Variants in CBLN2 observed in about 807,000 individuals in gnomAD.
CBLN2 encodes cerebellin-2.
Under a neutral mutation model 15.0 loss-of-function variants are expected in CBLN2, and 7 were observed. That is an observed-to-expected ratio of 0.47 (90% confidence interval 0.27 to 0.88). The LOEUF (loss-of-function observed/expected upper bound fraction) is 0.88. CBLN2 is among the 40% of genes least tolerant of loss of function. The pLI is 0.14. For missense variants in CBLN2, 242 were observed against 304.5 expected, an observed-to-expected ratio of 0.79 and a Z score of 1.53; for synonymous variants, 149 against 135.2, an observed-to-expected ratio of 1.10 and a Z score of -0.71.
chr18:72,624,140 T>G (rs1465932006), intron 1 of CBLN2, among the ~76,000 whole-genome samples: 1 of 152,070 alleles, frequency 6.6e-6, no homozygotes, highest in African/African-American at 2.4e-5. Flanking sequence ...GGACTAACGC[T>G]GAATTTGTCT....
At chr18:72,601,374 C>G (rs566548154) in intron 1 of CBLN2, among the ~76,000 whole-genome samples, 1 of 152,234 alleles carries the variant, frequency 6.6e-6, no homozygotes, top group African/African-American at 2.4e-5. Flanking sequence ...GTAGGATTCT[C>G]TCAGGTAGAT....
Position 72,541,865 on chromosome 18 carries a change from C to T in CBLN2, c.296G>A (p.Arg99Gln). The part of the protein sequence containing the change: ...GSAKVAFSAT[R>Q]STNHEPSEMS... ...CTCGGACGGCTCGTGGTTGGTGCTC[C>T]GCGTGGCGGAGAAGGCCACCTTGGC... is the stretch of plus-strand genomic sequence containing the variant. Residue 99 changes from arginine (R) to glutamine (Q), a missense_variant, in exon 3 of 5, where the codon CGG becomes CAG. Transcript: ENST00000269503. 2 of 1,603,746 alleles carry T rather than the reference C, an allele frequency of 1.2e-6. No homozygotes were observed. Among genetic ancestry groups the T allele is most frequent in the Non-Finnish European group, 1.7e-6 (2 of 1,177,104 alleles).
At chr18:72,628,111 A>C (rs1440568013) in intron 1 of CBLN2, among the ~76,000 whole-genome samples, 2 of 152,216 alleles carry the variant, frequency 1.3e-5, no homozygotes. Flanking sequence ...GTGGGCATGC[A>C]ATCAGTCTCA....
chr18:72,572,196 G>A (rs565643602), intron 1 of CBLN2, among the ~76,000 whole-genome samples: 4 of 151,996 alleles, frequency 2.6e-5, no homozygotes, highest in Admixed American at 1.3e-4. Flanking sequence ...TATCATGCAT[G>A]TGGCTCAACT....
Position 72,621,661 on chromosome 18 carries a change from T to C in CBLN2, c.15+16664A>G, listed in dbSNP as rs78255439. 2.8e-3 allele frequency among the ~76,000 whole-genome samples: 420 copies of C among 152,248 alleles called. 4 individuals carry two copies. The highest frequency in any genetic ancestry group is 9.7e-3 in the African/African-American group (405 of 41,542). On this transcript the variant is annotated intron_variant, in intron 1 of 2. Coordinates refer to the CBLN2 transcript ENST00000581073. Reference sequence around the variant, plus strand: ...CAGCCATTTTAAGTCTTTGGTCATTTCCAGATATTGTTTGTTTTACCCTGA... The same window carrying C: ...CAGCCATTTTAAGTCTTTGGTCATTCCCAGATATTGTTTGTTTTACCCTGA...
In CBLN2 at chr18:72,569,306, T is replaced by G. The variant is rs72634442; in HGVS notation, c.16-30534A>C. Among the ~76,000 whole-genome samples the G allele has an allele frequency of 0.05, 7,629 of 152,230 alleles. 831 individuals carry two copies. In the East Asian group the frequency reaches 0.51, roughly 10 times the overall value. On this transcript the variant is annotated intron_variant, in intron 1 of 2. Coordinates refer to the CBLN2 transcript ENST00000581073. ...AATATAGACATCATTTTAAGATAGC[T>G]GTATTTACTAAAACAAAAAACAATT...
At chr18:72,551,297 C>A (rs989199269) in intron 1 of CBLN2, among the ~76,000 whole-genome samples, 2 of 152,034 alleles carry the variant, frequency 1.3e-5, no homozygotes, top group Admixed American at 1.3e-4. Flanking sequence ...TGTTTAGTTA[C>A]CCTACCAGAT....
At chr18:72,638,236 C>T (rs2069826553) in intron 1 of CBLN2, 2 of 398,116 alleles carry the variant, frequency 5.0e-6, no homozygotes, top group Non-Finnish European at 8.9e-6. Context: ...TATCACATCT[C>T]CTTGTTGTTC....
intron 1 of CBLN2, among the ~76,000 whole-genome samples, chr18:72,571,687 C>T (rs374660608): frequency 2.0e-5 from 3 of 152,138 alleles, no homozygotes; most frequent in South Asian, 4.1e-4. Flanking sequence ...GCAAACTAAA[C>T]CTATTCAGTT....
intron 1 of CBLN2, among the ~76,000 whole-genome samples, chr18:72,550,872 T>G (rs888342875): frequency 3.3e-5 from 5 of 152,162 alleles, no homozygotes; most frequent in Non-Finnish European, 5.9e-5. Context: ...ATGATTTATT[T>G]TTGTGCATTA....
At chr18:72,590,629 G>A (rs1220648859) in intron 1 of CBLN2, among the ~76,000 whole-genome samples, 1 of 152,144 alleles carries the variant, frequency 6.6e-6, no homozygotes, top group African/African-American at 2.4e-5. Context: ...TATGTCACTA[G>A]TGTACAGATT....
At chr18:72,627,774 T>G in intron 1 of CBLN2, among the ~76,000 whole-genome samples, 1 of 152,256 alleles carries the variant, frequency 6.6e-6, no homozygotes, top group Non-Finnish European at 1.5e-5. Flanking sequence ...AAATTTTAAG[T>G]AATTTCACTG....
intron 1 of CBLN2, among the ~76,000 whole-genome samples, chr18:72,563,030 C>G (rs573366453): frequency 5.9e-5 from 9 of 152,288 alleles, no homozygotes; most frequent in Admixed American, 5.2e-4. Context: ...AGAGAAGTCT[C>G]TCATTAAAAT....
intron 1 of CBLN2, among the ~76,000 whole-genome samples, chr18:72,637,946 G>A (rs999417153): frequency 2.0e-5 from 3 of 152,198 alleles, no homozygotes; most frequent in Admixed American, 2.0e-4. Context: ...CCGCTGAGAC[G>A]AGACTTGAAG....
At chr18:72,595,392 T>A (rs996537992) in intron 1 of CBLN2, among the ~76,000 whole-genome samples, 2 of 152,174 alleles carry the variant, frequency 1.3e-5, no homozygotes, top group African/African-American at 4.8e-5. Context: ...TCAGAGAAGA[T>A]AATTAATATA....
chr18:72,613,308 T>C (rs1240776636), intron 1 of CBLN2, among the ~76,000 whole-genome samples: 2 of 152,206 alleles, frequency 1.3e-5, no homozygotes, highest in Non-Finnish European at 1.5e-5. Flanking sequence ...TTTGTAGGTC[T>C]CTCTATAGTG....
chr18:72,582,733 T>C (rs1009253520), intron 1 of CBLN2, among the ~76,000 whole-genome samples: 1 of 152,126 alleles, frequency 6.6e-6, no homozygotes, highest in African/African-American at 2.4e-5. Flanking sequence ...CCAATATACT[T>C]AAACAGATTG....
chr18:72,607,491 A>C lies in CBLN2; in HGVS notation c.15+30834T>G, dbSNP rs571912466. Among the ~76,000 whole-genome samples, 52 of 152,318 alleles carry C rather than the reference A, an allele frequency of 3.4e-4. No individual in the cohort carries two copies. The South Asian group carries it at 0.01, about 30-fold the overall frequency. On this transcript the variant is annotated intron_variant, in intron 1 of 2. Transcript: ENST00000581073. The stretch of plus-strand genomic sequence containing the variant: ...GTTGTGGCTACCTTCTTTGTATTCA[A>C]GCTGTTAAACACAAAGTCTAAAAGC...
At chr18:72,592,970 T>C (rs547244884) in intron 1 of CBLN2, among the ~76,000 whole-genome samples, 1 of 152,264 alleles carries the variant, frequency 6.6e-6, no homozygotes, top group South Asian at 2.1e-4. Flanking sequence ...TTGTCTATTA[T>C]GGGTCTTTTG....
Sources: gnomAD v4.1 joint callset for allele counts (sites outside exome capture counted in the v4.1 genomes callset) on GRCh38, gnomAD v4.1.1 for gene constraint, MANE v1.5 for transcripts, NCBI Gene and HGNC (gene_info 2026-07-23, HGNC 2026-07-21) for gene names.